SLIT1: variants seen among roughly 807,000 people sequenced by gnomAD.
SLIT1 encodes the protein slit homolog 1 protein.
A neutral mutation model predicts 186.1 loss-of-function variants in SLIT1; 66 were observed. The observed-to-expected ratio is 0.35, with a 90% confidence interval of 0.29 to 0.44. The LOEUF is 0.44. Among genes scored for constraint, SLIT1 ranks in the 20% least tolerant of loss-of-function variants. SLIT1 has a pLI of 1.00. For missense variants in SLIT1, 1,638 were observed against 2,037.4 expected, an observed-to-expected ratio of 0.80 and a Z score of 3.77; for synonymous variants, 761 against 833.8, an observed-to-expected ratio of 0.91 and a Z score of 1.50.
chr10:97,046,761 A>G lies in SLIT1; in HGVS notation c.1746T>C (p.Asp582=). The G allele has an allele frequency of 1.2e-6, 2 of 1,612,624 alleles. No individual in the cohort carries two copies. The highest frequency in any genetic ancestry group is 1.7e-6 in the Non-Finnish European group (2 of 1,180,022). ...LSNNKVSEIE[D]GAFEGAASVS... The stretch of plus-strand genomic sequence containing the variant: ...CAGAGGCTGCGCCCTCGAAGGCCCC[A>G]TCTTCAATTTCTGACACCTTGTTGT... Residue 582 remains aspartate (D), a synonymous_variant, in exon 18 of 37, where the codon GAT becomes GAC. Coordinates refer to ENST00000266058, the MANE Select transcript of SLIT1 (RefSeq NM_003061.3).
At chr10:97,160,702 G>A (rs990381685) in intron 3 of SLIT1, among the ~76,000 whole-genome samples, 3 of 152,132 alleles carry the variant, frequency 2.0e-5, no homozygotes, top group Admixed American at 2.0e-4. Flanking sequence ...TATGTGTGGG[G>A]TTTTGTTGTT....
At position 97,060,733 on chromosome 10, in the gene SLIT1, G is replaced by A. The variant is rs371728542; in HGVS notation, c.848C>T (p.Pro283Leu). 3.4e-5 allele frequency: 55 copies of A among 1,613,570 alleles called. No individual in the cohort carries two copies. Among genetic ancestry groups the A allele is most frequent in the East Asian group, 4.5e-5 (2 of 44,884 alleles). ...GCCATTGCTGCAGGTGCACATGGCC[G>A]GGCAGGAGCCGGAGGACAGGGTGCA... ...PTCTLSSGSC[P>L]AMCTCSNGIV... is the part of the protein sequence containing the mutation. The change falls in exon 9 of 37, where the codon CCG (proline) becomes CTG (leucine). Residue 283 changes from proline (P) to leucine (L), a missense_variant. Pro to Leu is a moderately conservative substitution (Grantham distance 98). Transcript: ENST00000266058.
chr10:97,061,254 C>T (rs1848891669), intron 8 of SLIT1, among the ~76,000 whole-genome samples: 1 of 152,220 alleles, frequency 6.6e-6, no homozygotes, highest in African/African-American at 2.4e-5. Context: ...CATTCTACAG[C>T]TGAGAAAACA....
chr10:97,021,800 T>A lies in SLIT1; in HGVS notation c.2583-387A>T, dbSNP rs1205392076. Among the ~76,000 whole-genome samples, 1 of 152,110 alleles carries A rather than the reference T, an allele frequency of 6.6e-6. No individual in the cohort carries two copies. Among genetic ancestry groups the A allele is most frequent in the African/African-American group, 2.4e-5 (1 of 41,422 alleles). Reference sequence around the variant, plus strand: ...CTGGTCTTGAACTCCTAAACTCAGGTTATCCACTCACCTCAGCCTCCCAAA... The same window carrying A: ...CTGGTCTTGAACTCCTAAACTCAGGATATCCACTCACCTCAGCCTCCCAAA... On this transcript the variant is annotated intron_variant, in intron 25 of 36. Coordinates refer to ENST00000266058, the MANE Select transcript of SLIT1 (RefSeq NM_003061.3). The surrounding 1 kb of genome is among the most constrained non-coding windows in gnomAD (Gnocchi z 4.5).
rs1042702310 is a variant in SLIT1 at position 96,999,715 on chromosome 10, T to G, written c.*1397A>C. On this transcript the variant is annotated 3_prime_UTR_variant, in exon 37 of 37. Transcript: ENST00000266058. ...GGCAGGCAATCGTATATTCAGGGCC[T>G]CTTCTTCTTCCACCACTGGCTCCTT... is the stretch of plus-strand genomic sequence containing the variant. 6.6e-6 allele frequency: 1 copy of G among 152,340 alleles called. No homozygotes were observed. Among genetic ancestry groups the G allele is most frequent in the Non-Finnish European group, 1.5e-5 (1 of 68,128 alleles). 9.4% of individuals were successfully genotyped at this position (152,340 alleles called of 1,614,324 possible).
intron 25 of SLIT1, among the ~76,000 whole-genome samples, chr10:97,026,923 G>T (rs1848551151): frequency 6.6e-6 from 1 of 152,170 alleles, no homozygotes; most frequent in African/African-American, 2.4e-5. Context: ...TTGTCTGAAA[G>T]CCCATTGCAA....
chr10:97,099,838 T>C (rs1331857442), intron 4 of SLIT1, among the ~76,000 whole-genome samples: 1 of 151,998 alleles, frequency 6.6e-6, no homozygotes, highest in Non-Finnish European at 1.5e-5. Flanking sequence ...TACATGAAAA[T>C]CAGGAGAGAA....
chr10:97,049,218 T>G lies in SLIT1; in HGVS notation c.1302-100A>C, dbSNP rs987145153. ...TCGTTGTGGCTGGGGCCAAGGAGGC[T>G]GCCTGTGGCCTGGAGCCTAGGGTCA... On this transcript the variant is annotated intron_variant, in intron 13 of 36. Transcript: ENST00000266058. 1.3e-5 allele frequency: 19 copies of G among 1,413,206 alleles called. No homozygotes were observed. In the African/African-American group the frequency reaches 2.5e-4, roughly 19 times the overall value. The allele number at this position is 1,413,206 out of a possible 1,614,324, so 87.5% of individuals were successfully genotyped here.
intron 4 of SLIT1, among the ~76,000 whole-genome samples, chr10:97,129,363 C>CAG (rs1381249268): frequency 2.1e-3 from 306 of 147,356 alleles, no homozygotes; most frequent in Middle Eastern, 0.01. Flanking sequence ...GGTCATGCCA[C>CAG]TGACAGCAGG....
intron 4 of SLIT1, among the ~76,000 whole-genome samples, chr10:97,130,903 T>C (rs937462147): frequency 3.3e-5 from 5 of 152,318 alleles, no homozygotes; most frequent in African/African-American, 1.2e-4. Context: ...TCCTTTCTTC[T>C]TCCCTAGATT....
At chr10:97,031,482 C>T in intron 24 of SLIT1, 124 bp downstream of exon 24, 1 of 682,490 alleles carries the variant, frequency 1.5e-6, no homozygotes, top group South Asian at 2.0e-5. Context: ...TAAGTGACAG[C>T]ACTCTGGACT....
chr10:97,018,952 C>A, intron 27 of SLIT1, 31 bp downstream of exon 27: 1 of 1,408,860 alleles, frequency 7.1e-7, no homozygotes, highest in Non-Finnish European at 1.0e-6. Flanking sequence ...ACGAAGAGCC[C>A]TCCTCCTCCC....
rs746595025 is a variant in SLIT1, at chr10:97,010,986, T to G, written c.3341+7A>C. On this transcript the variant is annotated splice_region_variant and intron_variant, in intron 31 of 36. Coordinates refer to ENST00000266058, the MANE Select transcript of SLIT1 (RefSeq NM_003061.3). The surrounding 1 kb of genome is among the most constrained non-coding windows in gnomAD (Gnocchi z 4.8). ...AGTCACTCCTAGTGTGTCCAGGGGC[T>G]GCTCACCTGTAGCCCTCAGCACAGA... 6.2e-7 allele frequency: 1 copy of G among 1,613,820 alleles called. No individual in the cohort carries two copies. The highest frequency in any genetic ancestry group is 8.5e-7 in the Non-Finnish European group (1 of 1,179,770).
In SLIT1 at chr10:97,037,617, C is replaced by G. The variant is rs1305638881; in HGVS notation, c.2366+81G>C. On this transcript the variant is annotated intron_variant, in intron 22 of 36. Transcript: ENST00000266058. ...GCAGGATCTGCCCAGAAGTGAGGTC[C>G]GTAGGAAATTCCAGGAAAGCCGGAG... is the stretch of plus-strand genomic sequence containing the variant. The G allele has an allele frequency of 4.7e-6, 5 of 1,073,754 alleles. No homozygotes were observed. In the Admixed American group the frequency reaches 7.1e-5, roughly 15 times the overall value. 66.5% of individuals were successfully genotyped at this position (1,073,754 alleles called of 1,614,324 possible).
intron 4 of SLIT1, among the ~76,000 whole-genome samples, chr10:97,129,058 C>T (rs1490598647): frequency 6.6e-6 from 1 of 152,062 alleles, no homozygotes; most frequent in East Asian, 1.9e-4. Context: ...GCTCTGTGTC[C>T]CTGGGGAAAT....
chr10:97,172,373 T>C (rs940806885), intron 1 of SLIT1, among the ~76,000 whole-genome samples: 36 of 152,066 alleles, frequency 2.4e-4, no homozygotes, highest in Non-Finnish European at 3.5e-4. Flanking sequence ...ATTTGGGGGA[T>C]TCCCTGACTG....
At chr10:97,096,760 C>A (rs956182776) in intron 4 of SLIT1, among the ~76,000 whole-genome samples, 8 of 152,122 alleles carry the variant, frequency 5.3e-5, no homozygotes, top group African/African-American at 1.7e-4. Flanking sequence ...TTTCTCACTT[C>A]TAGTAACCAC....
At chr10:97,142,970 A>AAG (rs1464833079) in intron 4 of SLIT1, among the ~76,000 whole-genome samples, 3 of 152,260 alleles carry the variant, frequency 2.0e-5, no homozygotes, top group Non-Finnish European at 4.4e-5. Flanking sequence ...GTTAAAAAAA[A>AAG]AGAGAAAATA....
In SLIT1 at chr10:97,109,572, CT is replaced by C. The variant is rs138505194; in HGVS notation, c.414-43487del. Among the ~76,000 whole-genome samples the C allele has an allele frequency of 1.1e-3, 166 of 152,328 alleles. 1 individual carries two copies. The highest frequency in any genetic ancestry group is 3.6e-3 in the African/African-American group (149 of 41,572). Reference sequence around the variant, plus strand: ...GCTCTCTCTAACTCTGCCATCTTCCCTCTTCACCCCATTAGCCTTGTCAAAC... The same window carrying C: ...GCTCTCTCTAACTCTGCCATCTTCCCCTTCACCCCATTAGCCTTGTCAAAC... On this transcript the variant is annotated intron_variant, in intron 4 of 36. Transcript: ENST00000266058.
Sources: allele counts gnomAD v4.1 joint callset (sites outside exome capture counted in the v4.1 genomes callset), GRCh38; gene constraint gnomAD v4.1.1; non-coding constraint Gnocchi (gnomAD v3.1); transcripts MANE v1.5; gene names NCBI Gene and HGNC (gene_info 2026-07-23, HGNC 2026-07-21).